The following GRM8 variants were observed in gnomAD, a reference collection of about 807,000 sequenced individuals.
The protein encoded by GRM8 is metabotropic glutamate receptor 8.
A neutral mutation model predicts 87.2 loss-of-function variants in GRM8; 47 were observed. The observed-to-expected ratio is 0.54, with a 90% CI of 0.43 to 0.69. The LOEUF (loss-of-function observed/expected upper bound fraction) is 0.69, where lower values mean the gene tolerates loss of function less well. Among genes scored for constraint, GRM8 ranks in the 30% least tolerant of loss-of-function variants. The pLI is 0.00. For synonymous variants in GRM8, 396 were observed against 404.5 expected (o/e 0.98, Z 0.25); for missense variants, 1,019 against 1,139.2 (o/e 0.89, Z 1.52).
intron 3 of GRM8, among the ~76,000 whole-genome samples, chr7:127,087,988 T>G (rs1035690239): frequency 1.1e-4 from 17 of 152,176 alleles, no homozygotes; most frequent in Non-Finnish European, 2.1e-4. Context: ...TTCCATTTTT[T>G]AAATGAGGAA....
intron 6 of GRM8, among the ~76,000 whole-genome samples, chr7:126,786,853 T>C (rs1820676122): frequency 6.6e-6 from 1 of 152,236 alleles, no homozygotes; most frequent in Admixed American, 6.5e-5. Context: ...TTAGAAGATC[T>C]GATTAATCTG....
intron 7 of GRM8, among the ~76,000 whole-genome samples, chr7:126,660,555 T>C (rs550218096): frequency 1.2e-4 from 18 of 152,340 alleles, no homozygotes; most frequent in Admixed American, 7.8e-4. Context: ...ATATACTAAA[T>C]GATTACAGGT....
At chr7:127,117,377 C>T (rs1320908901) in intron 2 of GRM8, among the ~76,000 whole-genome samples, 1 of 152,194 alleles carries the variant, frequency 6.6e-6, no homozygotes, top group Non-Finnish European at 1.5e-5. Context: ...GGAAACTCTG[C>T]TCAATGAGGC....
At position 126,769,925 on chromosome 7, in the gene GRM8, G is replaced by T. The variant is rs773834675; in HGVS notation, c.1297C>A (p.Arg433=). Reference sequence around the variant, plus strand: ...TCTTTCCCATCAATGGTACTCATTCGTGGACAAAGGCCAATGTATCCAGGG... The same window carrying T: ...TCTTTCCCATCAATGGTACTCATTCTTGGACAAAGGCCAATGTATCCAGGG... The part of the protein sequence containing the change: ...LCPGYIGLCP[R]MSTIDGKELL... Residue 433 remains arginine, a synonymous_variant, in exon 7 of 11, where the codon CGA becomes AGA. Transcript: ENST00000339582. The T allele has an allele frequency of 1.1e-5, 18 of 1,612,844 alleles. No homozygotes were observed. Among genetic ancestry groups the T allele is most frequent in the Non-Finnish European group, 1.4e-5 (16 of 1,179,092 alleles).
At chr7:126,844,825 A>G (rs547823472) in intron 6 of GRM8, among the ~76,000 whole-genome samples, 16 of 152,308 alleles carry the variant, frequency 1.1e-4, no homozygotes, top group African/African-American at 3.8e-4. Flanking sequence ...CACCAATACC[A>G]TTGGATTAGG....
chr7:127,037,792 T>A (rs17863186), intron 3 of GRM8, among the ~76,000 whole-genome samples: 2 of 151,898 alleles, frequency 1.3e-5, no homozygotes, highest in South Asian at 4.2e-4. Context: ...GCTAGTCAGA[T>A]GCTGAATTCC....
chr7:126,799,103 C>G (rs1326924454), intron 6 of GRM8, among the ~76,000 whole-genome samples: 2 of 152,064 alleles, frequency 1.3e-5, no homozygotes, highest in African/African-American at 4.8e-5. Flanking sequence ...TAGACACTCT[C>G]ATCTCTTGCT....
chr7:126,929,880 T>C (rs1213533718), intron 3 of GRM8, among the ~76,000 whole-genome samples: 1 of 20,714 alleles, frequency 4.8e-5, no homozygotes, highest in Non-Finnish European at 8.9e-5. Context: ...ATTTAAAATA[T>C]AAAGAAACTT....
intron 7 of GRM8, among the ~76,000 whole-genome samples, chr7:126,687,140 T>C (rs1808273795): frequency 6.6e-6 from 1 of 152,218 alleles, no homozygotes; most frequent in Non-Finnish European, 1.5e-5. Context: ...TTGGCACATC[T>C]GGGGGTCACT....
intron 7 of GRM8, among the ~76,000 whole-genome samples, chr7:126,714,135 G>C (rs1008803699): frequency 5.3e-5 from 8 of 151,066 alleles, no homozygotes; most frequent in African/African-American, 9.7e-5. Flanking sequence ...AAAATTAGCT[G>C]GGTGTGGTGA....
intron 7 of GRM8, among the ~76,000 whole-genome samples, chr7:126,650,743 G>A (rs941941285): frequency 1.2e-4 from 18 of 151,974 alleles, no homozygotes; most frequent in African/African-American, 4.1e-4. Context: ...CTTCAGCAGA[G>A]GAGGATTTTA....
chr7:126,819,790 T>C (rs920872792), intron 6 of GRM8, among the ~76,000 whole-genome samples: 1 of 152,088 alleles, frequency 6.6e-6, no homozygotes, highest in African/African-American at 2.4e-5. Flanking sequence ...AAGTCACATT[T>C]ATATCATGTT....
intron 9 of GRM8, among the ~76,000 whole-genome samples, chr7:126,447,381 C>A (rs1397381122): frequency 6.6e-6 from 1 of 151,848 alleles, no homozygotes; most frequent in Non-Finnish European, 1.5e-5. Context: ...CACGGAGAAA[C>A]CACATCTTAA....
chr7:126,885,675 G>C (rs1432376703), intron 6 of GRM8, among the ~76,000 whole-genome samples: 2 of 152,080 alleles, frequency 1.3e-5, no homozygotes, highest in East Asian at 3.9e-4. Context: ...CTTTAATTAA[G>C]AAATTAGGTT....
At chr7:127,202,836 C>T (rs1047239294) in intron 2 of GRM8, among the ~76,000 whole-genome samples, 1 of 152,160 alleles carries the variant, frequency 6.6e-6, no homozygotes, top group Non-Finnish European at 1.5e-5. Flanking sequence ...AAAAATTAGT[C>T]ATTCTCATCT....
chr7:126,799,070 C>T (rs1245982046), intron 6 of GRM8, among the ~76,000 whole-genome samples: 1 of 152,050 alleles, frequency 6.6e-6, no homozygotes, highest in Non-Finnish European at 1.5e-5. Context: ...CATAGAGGGA[C>T]TAAAATGCCA....
intron 9 of GRM8, among the ~76,000 whole-genome samples, chr7:126,490,808 T>G (rs975034030): frequency 1.3e-5 from 2 of 152,078 alleles, no homozygotes; most frequent in African/African-American, 4.8e-5. Context: ...TTACACTACA[T>G]TGTAGACTTT....
intron 7 of GRM8, among the ~76,000 whole-genome samples, chr7:126,716,996 AGAT>A (rs1811824297): frequency 6.6e-6 from 1 of 152,188 alleles, no homozygotes; most frequent in African/African-American, 2.4e-5. Flanking sequence ...ACTACATGAA[AGAT>A]GATGGTAAAG....
intron 9 of GRM8, among the ~76,000 whole-genome samples, chr7:126,488,555 T>C (rs1807631218): frequency 6.6e-6 from 1 of 152,004 alleles, no homozygotes; most frequent in Admixed American, 6.6e-5. Flanking sequence ...CACACCTTTT[T>C]CCCCTCTCAT....
Sources: allele counts gnomAD v4.1 joint callset (sites outside exome capture counted in the v4.1 genomes callset), GRCh38; gene constraint gnomAD v4.1.1; transcripts MANE v1.5; gene names NCBI Gene and HGNC (gene_info 2026-07-23, HGNC 2026-07-21).